PCDH15: variants seen among roughly 807,000 people sequenced by gnomAD.
PCDH15 encodes protocadherin-15.
PCDH15 carries 129 observed loss-of-function variants against 178.5 expected under a neutral mutation model. The observed-to-expected ratio is 0.72, with a 90% CI of 0.63 to 0.84. The LOEUF (loss-of-function observed/expected upper bound fraction) is 0.84, where lower values mean the gene tolerates loss of function less well. Among genes scored for constraint, PCDH15 ranks in the 40% least tolerant of loss-of-function variants. PCDH15 has a pLI of 0.00. For missense variants in PCDH15, 2,230 were observed against 2,099.9 expected (o/e 1.06, Z -1.21); for synonymous variants, 800 against 732.0 (o/e 1.09, Z -1.50).
chr10:55,089,849 T>A (rs1842268792), intron 2 of PCDH15, among the ~76,000 whole-genome samples: 1 of 152,072 alleles, frequency 6.6e-6, no homozygotes, highest in Non-Finnish European at 1.5e-5. Context: ...GGATATTTAT[T>A]CGGGAAGTTA....
intron 2 of PCDH15, among the ~76,000 whole-genome samples, chr10:54,997,596 T>C (rs1400294520): frequency 6.6e-6 from 1 of 152,176 alleles, no homozygotes; most frequent in Non-Finnish European, 1.5e-5. Context: ...TTTGTGCAAA[T>C]TTATTTGACA....
Position 54,219,018 on chromosome 10 carries a change from C to A in PCDH15, c.986-4970G>T, listed in dbSNP as rs1485215227. ...CCTGTAATCCCAGCACTTTGGGAGG[C>A]CGAGGCGGGAGGATCACAAGGTCAG... is the stretch of plus-strand genomic sequence containing the variant. On this transcript the variant is annotated intron_variant, in intron 9 of 37. Transcript: ENST00000644397. 8.0e-4 allele frequency among the ~76,000 whole-genome samples: 120 copies of A among 149,668 alleles called. 2 individuals carry two copies. The highest frequency in any genetic ancestry group is 7.9e-3 in the Admixed American group (119 of 14,974).
chr10:54,575,110 T>C (rs1288416396), intron 2 of PCDH15, among the ~76,000 whole-genome samples: 1 of 131,746 alleles, frequency 7.6e-6, no homozygotes, highest in Non-Finnish European at 1.6e-5. Flanking sequence ...TGAGATCACA[T>C]GCACACAGGA....
chr10:54,609,950 TA>T (rs1432293997), intron 2 of PCDH15, among the ~76,000 whole-genome samples: 1 of 152,016 alleles, frequency 6.6e-6, no homozygotes, highest in Non-Finnish European at 1.5e-5. Flanking sequence ...ATAGTTTCTC[TA>T]ATGTAAAATA....
At chr10:53,913,350 T>A (rs528385187) in intron 25 of PCDH15, among the ~76,000 whole-genome samples, 2 of 152,194 alleles carry the variant, frequency 1.3e-5, no homozygotes, top group South Asian at 4.1e-4. Context: ...GAAGAAAACC[T>A]AGGCAATACC....
intron 2 of PCDH15, among the ~76,000 whole-genome samples, chr10:55,435,722 AT>A (rs1197593667): frequency 6.6e-6 from 1 of 152,200 alleles, no homozygotes; most frequent in African/African-American, 2.4e-5. Flanking sequence ...AATATGAGAA[AT>A]GAAAACAAAA....
Position 53,940,866 on chromosome 10 carries a change from C to T in PCDH15, c.3232G>A (p.Asp1078Asn). The T allele has an allele frequency of 6.2e-7, 1 of 1,605,162 alleles. No homozygotes were observed. Among genetic ancestry groups the T allele is most frequent in the Non-Finnish European group, 8.5e-7 (1 of 1,172,040 alleles). Residue 1078 changes from aspartate (D) to asparagine (N), a missense_variant and splice_region_variant, in exon 24 of 38, where the codon GAT (aspartate) becomes AAT (asparagine). Coordinates refer to ENST00000644397, the MANE Select transcript of PCDH15 (RefSeq NM_001384140.1). Reference sequence around the variant, plus strand: ...GAACACAAACTAAAAGTCTACTCACCTTCTTCATTTCCTGAAACAATGGAG... The same window carrying T: ...GAACACAAACTAAAAGTCTACTCACTTTCTTCATTTCCTGAAACAATGGAG... ...VYSIVSGNEE[D>N]TFGINNITGV... is the part of the protein sequence containing the mutation.
At chr10:53,952,807 G>A (rs553604536) in intron 23 of PCDH15, among the ~76,000 whole-genome samples, 12 of 152,378 alleles carry the variant, frequency 7.9e-5, no homozygotes, top group Middle Eastern at 3.4e-3. Flanking sequence ...AAAGTCCAGA[G>A]TGGGCTGAGG....
At chr10:54,371,489 A>G (rs575367649) in intron 4 of PCDH15, among the ~76,000 whole-genome samples, 65 of 152,008 alleles carry the variant, frequency 4.3e-4, no homozygotes, top group African/African-American at 1.5e-3. Flanking sequence ...TGATTTGTCA[A>G]ATATCTAAAT....
chr10:53,965,137 A>C (rs2134350064), intron 21 of PCDH15, among the ~76,000 whole-genome samples: 1 of 151,312 alleles, frequency 6.6e-6, no homozygotes, highest in Admixed American at 6.6e-5. Flanking sequence ...CGCTCACTGC[A>C]ACCTCCGCCT....
chr10:54,417,460 A>G (rs894820783), intron 3 of PCDH15, among the ~76,000 whole-genome samples: 6 of 152,160 alleles, frequency 3.9e-5, no homozygotes, highest in Admixed American at 3.9e-4. Flanking sequence ...CCTTTCACAT[A>G]GTCTTGGGTG....
chr10:53,843,348 T>C (rs1442904026), intron 28 of PCDH15, among the ~76,000 whole-genome samples: 4 of 151,920 alleles, frequency 2.6e-5, no homozygotes, highest in Non-Finnish European at 5.9e-5. Context: ...ATCTATATAC[T>C]AAGTATTTTC....
chr10:55,026,442 C>T (rs1840477489), intron 2 of PCDH15, among the ~76,000 whole-genome samples: 1 of 151,842 alleles, frequency 6.6e-6, no homozygotes, highest in Non-Finnish European at 1.5e-5. Flanking sequence ...TTAGTGTTTT[C>T]CTACTGGTTT....
At chr10:54,964,348 G>T (rs1390800004) in intron 2 of PCDH15, among the ~76,000 whole-genome samples, 1 of 152,100 alleles carries the variant, frequency 6.6e-6, no homozygotes, top group Non-Finnish European at 1.5e-5. Context: ...GTACATTTTT[G>T]ACCCTAAGTC....
At chr10:54,818,236 T>C (rs2133737254) in intron 3 of PCDH15, among the ~76,000 whole-genome samples, 1 of 152,130 alleles carries the variant, frequency 6.6e-6, no homozygotes, top group African/African-American at 2.4e-5. Flanking sequence ...GGAAAAGGCC[T>C]AAAGACCTTT....
intron 8 of PCDH15, among the ~76,000 whole-genome samples, chr10:54,300,775 A>C (rs193027690): frequency 2.0e-4 from 31 of 152,172 alleles, no homozygotes; most frequent in Admixed American, 6.5e-4. Flanking sequence ...ACCAATCAGC[A>C]CTCTGTGTCT....
chr10:55,512,749 G>A (rs921659163), intron 2 of PCDH15: 3 of 152,110 alleles, frequency 2.0e-5, no homozygotes, highest in Admixed American at 6.6e-5. Flanking sequence ...TATTTCTTCA[G>A]ACATTTGCTT....
chr10:54,567,221 T>A (rs2089174405), intron 2 of PCDH15, among the ~76,000 whole-genome samples: 1 of 152,174 alleles, frequency 6.6e-6, no homozygotes, highest in Non-Finnish European at 1.5e-5. Flanking sequence ...TCTTTGTATA[T>A]TTTGCATAGC....
chr10:54,776,911 G>A (rs1262461648), intron 1 of PCDH15, among the ~76,000 whole-genome samples: 1 of 152,104 alleles, frequency 6.6e-6, no homozygotes. Flanking sequence ...TTAAGAGGAG[G>A]TTTATACAAA....
Sources: allele counts gnomAD v4.1 joint callset (sites outside exome capture counted in the v4.1 genomes callset), GRCh38; gene constraint gnomAD v4.1.1; transcripts MANE v1.5; gene names NCBI Gene and HGNC (gene_info 2026-07-23, HGNC 2026-07-21).